The following ARHGEF12 variants were observed in gnomAD, a reference collection of about 807,000 sequenced individuals.
ARHGEF12 encodes KMT2A/ARHGEF12 fusion protein.
A neutral mutation model predicts 211.2 loss-of-function variants in ARHGEF12; 66 were observed. The ratio of observed to expected loss-of-function variants is 0.31; its 90% CI spans 0.26 to 0.38. ARHGEF12 has a LOEUF of 0.38. ARHGEF12 is among the 10% of genes least tolerant of loss of function. ARHGEF12 has a pLI of 1.00. For synonymous variants in ARHGEF12, 592 were observed against 638.4 expected, an observed-to-expected ratio of 0.93 and a Z score of 1.09; for missense variants, 1,429 against 1,869.5, an observed-to-expected ratio of 0.76 and a Z score of 4.34.
intron 1 of ARHGEF12, among the ~76,000 whole-genome samples, chr11:120,357,467 T>G (rs1482717339): frequency 6.6e-6 from 1 of 152,210 alleles, no homozygotes; most frequent in Non-Finnish European, 1.5e-5. Flanking sequence ...TTTGGACAGA[T>G]CACAGACAGC....
At chr11:120,392,663 T>C (rs940015531) in intron 1 of ARHGEF12, among the ~76,000 whole-genome samples, 2 of 152,186 alleles carry the variant, frequency 1.3e-5, no homozygotes, top group Admixed American at 1.3e-4. Context: ...CTCAGATGCT[T>C]TCCATCTTTA....
chr11:120,480,049 A>G lies in ARHGEF12; in HGVS notation c.3856A>G (p.Thr1286Ala). The change falls in exon 38 of 41, where the codon ACA becomes GCA. Residue 1286 changes from threonine to alanine, a missense_variant. By Grantham distance (58) the Thr-to-Ala change is moderately conservative (BLOSUM62 0). This residue lies in a region of ARHGEF12 where 467 missense variants were observed against 468.4 expected (regional missense o/e 1.00). Transcript: ENST00000397843. ...EDWQHFPRYR[T>A]ASQGPQTDSV... ...CTGGCAACATTTCCCAAGATACAGAACAGCCTCTCAGGGGCCGCAGACAGA... is the reference window on the plus strand; with the variant it reads ...CTGGCAACATTTCCCAAGATACAGAGCAGCCTCTCAGGGGCCGCAGACAGA... 1 of 1,614,202 alleles carries G rather than the reference A, an allele frequency of 6.2e-7. No homozygotes were observed. The highest frequency in any genetic ancestry group is 8.5e-7 in the Non-Finnish European group (1 of 1,180,032).
Position 120,440,113 on chromosome 11 carries a change from C to A in ARHGEF12, c.1000-16C>A. On this transcript the variant is annotated splice_polypyrimidine_tract_variant and intron_variant, in intron 12 of 40. Transcript: ENST00000397843. ...ACCAGGTAATTTTTCTGTTTCTTTTCCCTGAATGTTGCCAGGACACTCAAT... is the reference window on the plus strand; with the variant it reads ...ACCAGGTAATTTTTCTGTTTCTTTTACCTGAATGTTGCCAGGACACTCAAT... The A allele has an allele frequency of 6.3e-7, 1 of 1,585,644 alleles. No homozygotes were observed.
At chr11:120,375,391 C>T (rs987378004) in intron 1 of ARHGEF12, among the ~76,000 whole-genome samples, 1 of 152,000 alleles carries the variant, frequency 6.6e-6, no homozygotes, top group Non-Finnish European at 1.5e-5. Flanking sequence ...TATGTTTTCT[C>T]TTTTTCCATT....
At chr11:120,369,071 G>A (rs548617160) in intron 1 of ARHGEF12, among the ~76,000 whole-genome samples, 2 of 150,514 alleles carry the variant, frequency 1.3e-5, no homozygotes, top group Admixed American at 6.6e-5. Flanking sequence ...TAACAACATC[G>A]TCTTTTATCA....
At chr11:120,422,285 C>T (rs1042226431) in intron 6 of ARHGEF12, among the ~76,000 whole-genome samples, 10 of 152,114 alleles carry the variant, frequency 6.6e-5, no homozygotes, top group Admixed American at 2.6e-4. Flanking sequence ...AAGTTGGTTT[C>T]ACCAGGTACA....
intron 30 of ARHGEF12, among the ~76,000 whole-genome samples, chr11:120,469,987 A>G (rs1946821834): frequency 1.3e-5 from 2 of 152,174 alleles, no homozygotes; most frequent in African/African-American, 4.8e-5. Context: ...CAAAGTCCTG[A>G]CGGAAAAAGA....
chr11:120,452,955 G>T (rs917974095), intron 22 of ARHGEF12, among the ~76,000 whole-genome samples: 1 of 151,196 alleles, frequency 6.6e-6, no homozygotes, highest in East Asian at 2.0e-4. Flanking sequence ...AGCCAAGATC[G>T]TGCCAATGCA....
chr11:120,406,360 T>C (rs1200590043), intron 2 of ARHGEF12, among the ~76,000 whole-genome samples: 1 of 152,114 alleles, frequency 6.6e-6, no homozygotes, highest in Non-Finnish European at 1.5e-5. Flanking sequence ...TTTAAAAATT[T>C]TGTTCAAAAG....
chr11:120,475,912 G>A (rs1947015132), intron 33 of ARHGEF12: 1 of 156,032 alleles, frequency 6.4e-6, no homozygotes, highest in Non-Finnish European at 1.4e-5. Context: ...ATTAACAACG[G>A]GGTCCCTTTT....
chr11:120,432,558 G>T (rs1038350151), intron 11 of ARHGEF12, among the ~76,000 whole-genome samples: 1 of 152,150 alleles, frequency 6.6e-6, no homozygotes, highest in African/African-American at 2.4e-5. Context: ...CTTAAATGTA[G>T]ATCACCCTCT....
In ARHGEF12 at chr11:120,481,446, T is replaced by G. The variant is rs1292304716; in HGVS notation, c.4424T>G (p.Leu1475Arg). Residue 1475 changes from leucine (L) to arginine (R), a missense_variant, in exon 39 of 41, where the codon CTG becomes CGG. Physicochemically the swap from Leu to Arg is moderately radical, Grantham distance 102. Coordinates refer to ENST00000397843, the MANE Select transcript of ARHGEF12 (RefSeq NM_015313.3). ...GAISPFTPEFLVQQRWGAMEY... is the reference protein window; with the variant it reads ...GAISPFTPEFRVQQRWGAMEY... ...ATTTCACCATTCACCCCCGAATTTC[T>G]GGTCCAGCAGCGCTGGGGAGCTATG... is the stretch of plus-strand genomic sequence containing the variant. 6.2e-7 allele frequency: 1 copy of G among 1,614,198 alleles called. No homozygotes were observed. Among genetic ancestry groups the G allele is most frequent in the African/African-American group, 1.3e-5 (1 of 75,058 alleles).
At chr11:120,459,436 G>A (rs1946457493) in intron 26 of ARHGEF12, 116 bp downstream of exon 26, 3 of 1,121,570 alleles carry the variant, frequency 2.7e-6, no homozygotes, top group Middle Eastern at 2.8e-4. Flanking sequence ...GTGTGAGAAT[G>A]TAAGATAAAT....
At chr11:120,433,545 G>A (rs548013576) in intron 11 of ARHGEF12, among the ~76,000 whole-genome samples, 1 of 152,336 alleles carries the variant, frequency 6.6e-6, no homozygotes, top group African/African-American at 2.4e-5. Context: ...TGTTTCCAAA[G>A]TGTAGCAAAT....
At chr11:120,341,030 C>T (rs1942519227) in intron 1 of ARHGEF12, among the ~76,000 whole-genome samples, 2 of 152,126 alleles carry the variant, frequency 1.3e-5, no homozygotes, top group South Asian at 4.2e-4. Context: ...TGGTGGTTTC[C>T]GGTTGTTAAC....
chr11:120,433,967 TAA>T (rs201426179), intron 11 of ARHGEF12, among the ~76,000 whole-genome samples: 2 of 146,602 alleles, frequency 1.4e-5, no homozygotes, highest in Non-Finnish European at 3.0e-5. Context: ...CAGGGGTGGG[TAA>T]AAAAAAAAGA....
intron 11 of ARHGEF12, 37 bp from the exon 12 acceptor site, chr11:120,437,271 T>C: frequency 1.4e-6 from 2 of 1,454,958 alleles, no homozygotes; most frequent in Non-Finnish European, 1.9e-6. Context: ...TTGGTGTGCC[T>C]ATTGAAATGA....
intron 39 of ARHGEF12, among the ~76,000 whole-genome samples, chr11:120,483,865 C>T (rs552184203): frequency 2.5e-4 from 38 of 152,262 alleles, no homozygotes; most frequent in South Asian, 6.2e-4. Context: ...CCGCCTGCCT[C>T]GGCCTCCCAA....
At chr11:120,403,905 A>G (rs1944616676) in intron 1 of ARHGEF12, among the ~76,000 whole-genome samples, 6 of 152,186 alleles carry the variant, frequency 3.9e-5, no homozygotes, top group Admixed American at 3.9e-4. Context: ...GGTTGAACTG[A>G]TTTGTTGCTT....
Sources: gnomAD v4.1 joint callset for allele counts (sites outside exome capture counted in the v4.1 genomes callset) on GRCh38, gnomAD v4.1.1 for gene constraint, gnomAD v4.1.1 regional missense constraint, MANE v1.5 for transcripts, NCBI Gene and HGNC (gene_info 2026-07-23, HGNC 2026-07-21) for gene names.